NRCAM: variants seen among roughly 807,000 people sequenced by gnomAD.
NRCAM encodes the protein NgCAM-related cell adhesion molecule.
In NRCAM, 83 loss-of-function variants were observed where a neutral mutation model predicts 156.5. The observed-to-expected ratio is 0.53, with a 90% CI of 0.44 to 0.64. NRCAM has a LOEUF of 0.64. Ranked by LOEUF, NRCAM falls within the 30% of genes least tolerant of loss-of-function variation. NRCAM has a pLI of 0.00. For synonymous variants in NRCAM, 538 were observed against 563.9 expected (o/e 0.95, Z 0.65); for missense variants, 1,417 against 1,597.3 (o/e 0.89, Z 1.92).
intron 24 of NRCAM, among the ~76,000 whole-genome samples, chr7:108,180,834 C>G (rs1446544919): frequency 6.6e-6 from 1 of 152,156 alleles, no homozygotes. Flanking sequence ...TCACGTACAA[C>G]CTATCATGTA....
chr7:108,299,183 A>G (rs559997755), intron 3 of NRCAM, among the ~76,000 whole-genome samples: 2 of 149,366 alleles, frequency 1.3e-5, no homozygotes, highest in African/African-American at 4.9e-5. Context: ...CTGGGTGAGG[A>G]CGCAAAGGGG....
chr7:108,244,173 C>T (rs1201754154), intron 3 of NRCAM, among the ~76,000 whole-genome samples: 3 of 152,070 alleles, frequency 2.0e-5, no homozygotes, highest in African/African-American at 4.8e-5. Context: ...ACGCATTACT[C>T]GCCATTTCAT....
chr7:108,198,669 G>A (rs888194357), intron 13 of NRCAM, among the ~76,000 whole-genome samples: 3 of 152,176 alleles, frequency 2.0e-5, no homozygotes, highest in Admixed American at 2.0e-4. Flanking sequence ...GTTCAAACCT[G>A]TTCCTTTTAG....
chr7:108,185,445 A>T (rs1252905553), intron 20 of NRCAM, among the ~76,000 whole-genome samples: 1 of 152,186 alleles, frequency 6.6e-6, no homozygotes, highest in African/African-American at 2.4e-5. Flanking sequence ...GCTGTTAAAA[A>T]TGACTGTCAG....
intron 1 of NRCAM, among the ~76,000 whole-genome samples, chr7:108,452,921 A>C (rs1207533926): frequency 6.6e-6 from 1 of 152,194 alleles, no homozygotes; most frequent in Admixed American, 6.5e-5. Context: ...AGGGACCACA[A>C]GAGGGCTTTC....
chr7:108,372,839 T>G (rs2099637664), intron 2 of NRCAM, among the ~76,000 whole-genome samples: 1 of 152,170 alleles, frequency 6.6e-6, no homozygotes, highest in Non-Finnish European at 1.5e-5. Flanking sequence ...CCAGCATTCC[T>G]ACTTCTGGGT....
At chr7:108,216,082 A>T (rs2088552016) in intron 11 of NRCAM, among the ~76,000 whole-genome samples, 1 of 152,176 alleles carries the variant, frequency 6.6e-6, no homozygotes, top group Non-Finnish European at 1.5e-5. Context: ...TGCTTCCTTC[A>T]GGAGATCTTG....
At chr7:108,200,970 T>C (rs2077694950) in intron 13 of NRCAM, among the ~76,000 whole-genome samples, 1 of 152,040 alleles carries the variant, frequency 6.6e-6, no homozygotes, top group Non-Finnish European at 1.5e-5. Flanking sequence ...TATATTGAAC[T>C]TTGGGGTCTC....
At position 108,308,638 on chromosome 7, in the gene NRCAM, T is replaced by C. The variant is rs188105538; in HGVS notation, c.-107+4027A>G. Among the ~76,000 whole-genome samples the C allele has an allele frequency of 1.2e-3, 181 of 152,344 alleles. 2 individuals are homozygous for C. Among genetic ancestry groups the C allele is most frequent in the Non-Finnish European group, 2.1e-4 (14 of 68,030 alleles). On this transcript the variant is annotated intron_variant, in intron 3 of 32. Transcript: ENST00000379028. Reference sequence around the variant, plus strand: ...AAACATAATGCCACTGTTTTCATCATTGTCTCACTATGGCATTATCCTTAC... The same window carrying C: ...AAACATAATGCCACTGTTTTCATCACTGTCTCACTATGGCATTATCCTTAC...
intron 2 of NRCAM, among the ~76,000 whole-genome samples, chr7:108,382,313 A>C (rs1258700100): frequency 1.3e-5 from 2 of 152,076 alleles, no homozygotes; most frequent in African/African-American, 4.8e-5. Flanking sequence ...AACACTAACA[A>C]GGCTGGGCGC....
chr7:108,169,562 T>C (rs1177176119), intron 28 of NRCAM, among the ~76,000 whole-genome samples: 1 of 152,218 alleles, frequency 6.6e-6, no homozygotes, highest in Non-Finnish European at 1.5e-5. Flanking sequence ...AGTTAAATAA[T>C]GCTTTTGACT....
intron 26 of NRCAM, 65 bp downstream of exon 26, chr7:108,177,925 G>A (rs2061568443): frequency 6.9e-7 from 1 of 1,441,612 alleles, no homozygotes. Flanking sequence ...ATAATTATTT[G>A]TCAATTAAAA....
chr7:108,369,257 TAA>T (rs994750423), intron 2 of NRCAM, among the ~76,000 whole-genome samples: 3 of 152,226 alleles, frequency 2.0e-5, no homozygotes, highest in Non-Finnish European at 2.9e-5. Context: ...ATCTAATTTA[TAA>T]GTGTATCCAC....
intron 13 of NRCAM, among the ~76,000 whole-genome samples, chr7:108,203,449 GTT>G (rs34404114): frequency 6.7e-6 from 1 of 148,322 alleles, no homozygotes; most frequent in African/African-American, 2.5e-5. Context: ...AATTTTTCCA[GTT>G]TTTTTTTTTT....
intron 3 of NRCAM, among the ~76,000 whole-genome samples, chr7:108,274,518 A>G (rs1282906452): frequency 4.6e-5 from 7 of 152,098 alleles, no homozygotes; most frequent in Non-Finnish European, 1.0e-4. Flanking sequence ...ATGGGAGTTC[A>G]CTCATGATTT....
intron 13 of NRCAM, among the ~76,000 whole-genome samples, chr7:108,201,585 T>G (rs963446122): frequency 1.1e-4 from 17 of 152,084 alleles, no homozygotes; most frequent in Non-Finnish European, 1.6e-4. Flanking sequence ...TTTACCACAA[T>G]AATAATAATA....
At chr7:108,195,663 T>C (rs1439995687) in intron 15 of NRCAM, 98 bp downstream of exon 15, 2 of 663,894 alleles carry the variant, frequency 3.0e-6, no homozygotes, top group South Asian at 3.2e-5. Context: ...TGTGGTGCCT[T>C]TCCCTGTTTG....
At chr7:108,448,057 A>G (rs1411447057) in intron 1 of NRCAM, among the ~76,000 whole-genome samples, 1 of 152,160 alleles carries the variant, frequency 6.6e-6, no homozygotes, top group East Asian at 1.9e-4. Flanking sequence ...CTTGACATCT[A>G]TTTACCTTCC....
At chr7:108,192,225 G>A (rs947570420) in intron 17 of NRCAM, among the ~76,000 whole-genome samples, 4 of 152,004 alleles carry the variant, frequency 2.6e-5, no homozygotes, top group African/African-American at 7.3e-5. Context: ...TGGGGCGAGT[G>A]AAGCTGAGCT....
Sources: allele counts gnomAD v4.1 joint callset (sites outside exome capture counted in the v4.1 genomes callset), GRCh38; gene constraint gnomAD v4.1.1; transcripts MANE v1.5; gene names NCBI Gene and HGNC (gene_info 2026-07-23, HGNC 2026-07-21).